Variants in SHISA9 observed in about 807,000 individuals in gnomAD.
SHISA9 encodes protein shisa-9.
Under a neutral mutation model 38.0 loss-of-function variants are expected in SHISA9, and 13 were observed. The ratio of observed to expected loss-of-function variants is 0.34; its 90% CI spans 0.22 to 0.54. The LOEUF (loss-of-function observed/expected upper bound fraction) is 0.54, where lower values mean the gene tolerates loss of function less well. Ranked by LOEUF, SHISA9 falls within the 20% of genes least tolerant of loss-of-function variation. The probability of loss-of-function intolerance (pLI) is 0.91; values close to 1 mark genes in which losing one functional copy is unlikely to be tolerated. For synonymous variants in SHISA9, 275 were observed against 242.0 expected (o/e 1.14, Z -1.27); for missense variants, 538 against 575.8 (o/e 0.93, Z 0.67).
At chr16:13,155,834 T>G (rs971742050) in intron 2 of SHISA9, among the ~76,000 whole-genome samples, 1 of 152,014 alleles carries the variant, frequency 6.6e-6, no homozygotes, top group East Asian at 1.9e-4. Context: ...GTTCCCTGTA[T>G]AGTAACAAGA....
intron 1 of SHISA9, chr16:12,908,771 C>A (rs1010817584): frequency 1.4e-6 from 2 of 1,391,880 alleles, no homozygotes; most frequent in African/African-American, 2.9e-5. Flanking sequence ...CAGGCCCAGA[C>A]GTCTTGGTGG....
At chr16:13,268,926 A>G in the SHISA9 span, among the ~76,000 whole-genome samples, 1 of 152,156 alleles carries the variant, frequency 6.6e-6, no homozygotes, top group Non-Finnish European at 1.5e-5. Context: ...CAGCTTTATC[A>G]TGTGTGGCAA....
the SHISA9 span, among the ~76,000 whole-genome samples, chr16:13,382,558 A>G: frequency 6.7e-6 from 1 of 150,086 alleles, no homozygotes; most frequent in Non-Finnish European, 1.5e-5. Flanking sequence ...AAGAAAGAAA[A>G]GAAAAAAAAC....
At chr16:13,055,989 C>G (rs2073305334) in intron 2 of SHISA9, among the ~76,000 whole-genome samples, 1 of 152,146 alleles carries the variant, frequency 6.6e-6, no homozygotes, top group South Asian at 2.1e-4. Flanking sequence ...TTTCATGAAG[C>G]TTGGGACGCA....
chr16:13,341,943 G>C, the SHISA9 span, among the ~76,000 whole-genome samples: 1 of 152,056 alleles, frequency 6.6e-6, no homozygotes, highest in Non-Finnish European at 1.5e-5. Flanking sequence ...AGTTGCCTAA[G>C]CCAAAAATCT....
At chr16:12,939,437 G>A (rs529239952) in intron 2 of SHISA9, among the ~76,000 whole-genome samples, 1 of 152,272 alleles carries the variant, frequency 6.6e-6, no homozygotes, top group East Asian at 1.9e-4. Flanking sequence ...TCCTCCCAGA[G>A]GTTTGTTGTT....
At chr16:13,006,704 T>G (rs886687152) in intron 2 of SHISA9, among the ~76,000 whole-genome samples, 1 of 152,192 alleles carries the variant, frequency 6.6e-6, no homozygotes, top group Non-Finnish European at 1.5e-5. Context: ...GAATCTGCCT[T>G]GAGAAATTCA....
intron 2 of SHISA9, among the ~76,000 whole-genome samples, chr16:13,027,302 T>C (rs1233146604): frequency 1.3e-5 from 2 of 152,328 alleles, no homozygotes; most frequent in South Asian, 2.1e-4. Flanking sequence ...CAACTAATAA[T>C]ATTTATTGGG....
In SHISA9 at chr16:13,164,739, TA is replaced by T. The variant is rs148877047; in HGVS notation, c.692-38653del. On this transcript the variant is annotated intron_variant, in intron 2 of 4. Coordinates refer to ENST00000558583, the MANE Select transcript of SHISA9 (RefSeq NM_001145204.3). ...CATTTTTATTTCCCTCTTAATTTTTTAATTTTATTCATAGGTTATTTAGAAG... is the reference window on the plus strand; with the variant it reads ...CATTTTTATTTCCCTCTTAATTTTTTATTTTATTCATAGGTTATTTAGAAG... Among the ~76,000 whole-genome samples the T allele has an allele frequency of 6.5e-3, 989 of 152,264 alleles. 4 individuals are homozygous for T. The highest frequency in any genetic ancestry group is 0.015 in the African/African-American group (631 of 41,572).
the SHISA9 span, among the ~76,000 whole-genome samples, chr16:13,540,356 T>C: frequency 2.6e-5 from 4 of 152,212 alleles, no homozygotes; most frequent in Admixed American, 6.5e-5. Flanking sequence ...AAGCACTTTG[T>C]TCACCGATTT....
intron 2 of SHISA9, among the ~76,000 whole-genome samples, chr16:13,127,155 GGAGA>G (rs1180242156): frequency 7.1e-6 from 1 of 140,074 alleles, no homozygotes. Context: ...AGTGAAGGAG[GGAGA>G]GAGGGAAGGG....
the SHISA9 span, among the ~76,000 whole-genome samples, chr16:13,397,643 C>T: frequency 5.3e-5 from 8 of 152,196 alleles, no homozygotes; most frequent in Non-Finnish European, 1.0e-4. Context: ...ACCATGTTGG[C>T]CAGGATGGTC....
the SHISA9 span, among the ~76,000 whole-genome samples, chr16:13,349,895 G>A: frequency 6.6e-6 from 1 of 152,220 alleles, no homozygotes; most frequent in East Asian, 1.9e-4. Context: ...TAGAAGATAT[G>A]TAGAAGTTAG....
At chr16:13,355,614 T>C in the SHISA9 span, among the ~76,000 whole-genome samples, 1 of 151,038 alleles carries the variant, frequency 6.6e-6, no homozygotes, top group African/African-American at 2.4e-5. Flanking sequence ...GGCACCAGAG[T>C]TGGGGAGTTT....
At chr16:13,277,020 T>C in the SHISA9 span, among the ~76,000 whole-genome samples, 5 of 152,322 alleles carry the variant, frequency 3.3e-5, no homozygotes, top group Admixed American at 3.3e-4. Flanking sequence ...TTTTCCAATG[T>C]TATCTTCTAG....
intron 2 of SHISA9, among the ~76,000 whole-genome samples, chr16:13,150,629 C>T (rs1157654915): frequency 2.0e-5 from 3 of 152,156 alleles, no homozygotes; most frequent in African/African-American, 7.2e-5. Context: ...AGCCCTACCC[C>T]AAGCCTATTG....
At chr16:13,504,526 T>C in the SHISA9 span, among the ~76,000 whole-genome samples, 1 of 152,118 alleles carries the variant, frequency 6.6e-6, no homozygotes, top group Non-Finnish European at 1.5e-5. Flanking sequence ...TCAAAATTAA[T>C]TTCAATACTT....
intron 2 of SHISA9, among the ~76,000 whole-genome samples, chr16:13,187,818 T>C (rs2050842665): frequency 6.6e-6 from 1 of 152,158 alleles, no homozygotes; most frequent in African/African-American, 2.4e-5. Context: ...ATGTACAAGG[T>C]TGTCGACAAA....
chr16:13,546,692 G>A, the SHISA9 span, among the ~76,000 whole-genome samples: 1 of 152,030 alleles, frequency 6.6e-6, no homozygotes, highest in Admixed American at 6.6e-5. Flanking sequence ...CTGACCTGTG[G>A]GCCAAATCCA....
Sources: allele counts gnomAD v4.1 joint callset (sites outside exome capture counted in the v4.1 genomes callset), GRCh38; gene constraint gnomAD v4.1.1; transcripts MANE v1.5; gene names NCBI Gene and HGNC (gene_info 2026-07-23, HGNC 2026-07-21).